Variants in DMRT1 observed in about 807,000 individuals in gnomAD.
The protein encoded by DMRT1 is doublesex and mab-3 related transcription factor 1, also known as doublesex- and mab-3-related transcription factor 1.
DMRT1 carries 7 observed loss-of-function variants against 32.3 expected under a neutral mutation model. The observed-to-expected ratio is 0.22, with a 90% CI of 0.12 to 0.41. The LOEUF (loss-of-function observed/expected upper bound fraction) is 0.41. Among genes scored for constraint, DMRT1 ranks in the 10% least tolerant of loss-of-function variants. The probability of loss-of-function intolerance (pLI) is 1.00; values close to 1 mark genes in which losing one functional copy is unlikely to be tolerated. For missense variants in DMRT1, 625 were observed against 500.5 expected (o/e 1.25, Z -2.37); for synonymous variants, 278 against 206.1 (o/e 1.35, Z -2.99).
chr9:871,229 C>T (rs1264068862), intron 2 of DMRT1, among the ~76,000 whole-genome samples: 1 of 149,536 alleles, frequency 6.7e-6, no homozygotes, highest in Non-Finnish European at 1.5e-5. Context: ...GGTTTTGCCA[C>T]GTTGCCCAGG....
chr9:878,210 C>G (rs535346698), intron 2 of DMRT1, among the ~76,000 whole-genome samples: 2 of 127,396 alleles, frequency 1.6e-5, no homozygotes, highest in Non-Finnish European at 3.3e-5. Flanking sequence ...GCCCCCCCCC[C>G]ACCCAATAAA....
rs1346807628 is a variant in DMRT1, at chr9:968,086, G to C, written c.1069G>C (p.Ala357Pro). 1.2e-6 allele frequency: 2 copies of C among 1,614,032 alleles called. No individual in the cohort carries two copies. The highest frequency in any genetic ancestry group is 1.3e-5 in the African/African-American group (1 of 74,914). Residue 357 changes from alanine to proline, a missense_variant, in exon 5 of 5, where the codon GCG becomes CCG. By Grantham distance (27) the Ala-to-Pro change is conservative. Transcript: ENST00000382276. ...AAAGGCAGTGCTTGAATGTGAGCCTGCGTCGGAGCCCAGCAGCTTCACAGT... is the reference window on the plus strand; with the variant it reads ...AAAGGCAGTGCTTGAATGTGAGCCTCCGTCGGAGCCCAGCAGCTTCACAGT... Reference protein sequence around the residue: ...STKAVLECEPASEPSSFTVTP... With the variant: ...STKAVLECEPPSEPSSFTVTP...
rs1815468363 is a variant in DMRT1, at chr9:857,830, TG to T, written c.538+10688del. On this transcript the variant is annotated intron_variant, in intron 2 of 4. Transcript: ENST00000382276. ...TGTGATGTTCCCCTTCCTGTGTCCA[TG>T]TGTTCTCATTGTTCGATTCCCACCT... is the stretch of plus-strand genomic sequence containing the variant. Among the ~76,000 whole-genome samples the T allele has an allele frequency of 3.7e-5, 5 of 133,524 alleles. No individual in the cohort carries two copies. In the South Asian group the frequency reaches 1.3e-3, roughly 34 times the overall value. The allele number at this position is 133,524 out of a possible 152,430, so 87.6% of individuals were successfully genotyped here.
chr9:854,073 A>C (rs1256028095), intron 2 of DMRT1, among the ~76,000 whole-genome samples: 1 of 150,734 alleles, frequency 6.6e-6, no homozygotes, highest in East Asian at 2.0e-4. Flanking sequence ...CAGCTCCCAA[A>C]GTGCTGGGAT....
intron 4 of DMRT1, among the ~76,000 whole-genome samples, chr9:948,903 AAAT>A (rs57959311): frequency 0.42 from 57,427 of 137,374 alleles, 12,540 homozygotes; most frequent in Middle Eastern, 0.56. Context: ...TAAAAATACA[AAAT>A]AATAATAATA....
chr9:938,204 A>C (rs1014299479), intron 4 of DMRT1, among the ~76,000 whole-genome samples: 30 of 152,280 alleles, frequency 2.0e-4, no homozygotes, highest in African/African-American at 7.2e-4. Context: ...AAATCAGGAA[A>C]TGTGATCCCT....
At chr9:923,368 G>A (rs974119229) in intron 4 of DMRT1, among the ~76,000 whole-genome samples, 4 of 152,158 alleles carry the variant, frequency 2.6e-5, no homozygotes, top group African/African-American at 9.7e-5. Context: ...ATCTGAATGG[G>A]ACCCATGACT....
At chr9:868,031 G>A (rs896021733) in intron 2 of DMRT1, among the ~76,000 whole-genome samples, 1 of 152,196 alleles carries the variant, frequency 6.6e-6, no homozygotes, top group Non-Finnish European at 1.5e-5. Context: ...AGGCTGGAGT[G>A]CAGTCGTGTG....
intron 4 of DMRT1, among the ~76,000 whole-genome samples, chr9:951,606 A>G (rs1426535268): frequency 6.6e-6 from 1 of 152,186 alleles, no homozygotes; most frequent in Non-Finnish European, 1.5e-5. Flanking sequence ...TGAAGCTTGC[A>G]TGTACCTCTT....
intron 2 of DMRT1, among the ~76,000 whole-genome samples, chr9:870,709 C>CTCTTTTTTTTT (rs1816206857): frequency 4.3e-5 from 3 of 69,562 alleles, no homozygotes; most frequent in African/African-American, 2.0e-4. Context: ...ATTTTCTTGA[C>CTCTTTTTTTTT]TTTTTTTTTT....
intron 4 of DMRT1, among the ~76,000 whole-genome samples, chr9:931,602 G>C (rs1283939748): frequency 1.3e-5 from 2 of 152,184 alleles, no homozygotes; most frequent in African/African-American, 2.4e-5. Flanking sequence ...TTTCCGGTAA[G>C]GCTTCTCTCC....
intron 2 of DMRT1, among the ~76,000 whole-genome samples, chr9:857,585 C>G (rs1815453617): frequency 6.6e-6 from 1 of 152,040 alleles, no homozygotes; most frequent in Non-Finnish European, 1.5e-5. Flanking sequence ...AATTCTGTTG[C>G]CCTAAAACTT....
At chr9:941,343 C>T (rs558573403) in intron 4 of DMRT1, among the ~76,000 whole-genome samples, 4 of 146,092 alleles carry the variant, frequency 2.7e-5, no homozygotes, top group South Asian at 2.3e-4. Context: ...CCCCCCCACA[C>T]ATATGCAATG....
chr9:923,274 A>G (rs1228988127), intron 4 of DMRT1, among the ~76,000 whole-genome samples: 3 of 152,190 alleles, frequency 2.0e-5, no homozygotes, highest in Non-Finnish European at 4.4e-5. Flanking sequence ...TTGATCCAGA[A>G]CGCCAAAGGT....
intron 2 of DMRT1, among the ~76,000 whole-genome samples, chr9:880,595 G>C (rs369222894): frequency 7.1e-4 from 108 of 151,850 alleles, no homozygotes; most frequent in African/African-American, 2.5e-3. Context: ...GCATGGTGGC[G>C]CATGCCTGTA....
Position 960,353 on chromosome 9 carries a change from C to G in DMRT1, c.968-7632C>G, listed in dbSNP as rs547295082. Among the ~76,000 whole-genome samples the G allele has an allele frequency of 3.1e-3, 479 of 152,204 alleles. 9 individuals are homozygous for G. Among genetic ancestry groups the G allele is most frequent in the African/African-American group, 0.011 (470 of 41,540 alleles). ...TGTTGGGTGTGTTGTCACTTTTTTT[C>G]CTTTCTCAACCAATGTTTAATAAAA... On this transcript the variant is annotated intron_variant, in intron 4 of 4. Coordinates refer to ENST00000382276, the MANE Select transcript of DMRT1 (RefSeq NM_021951.3).
intron 3 of DMRT1, among the ~76,000 whole-genome samples, chr9:906,038 C>G (rs956223632): frequency 6.7e-5 from 5 of 74,834 alleles, no homozygotes; most frequent in African/African-American, 1.5e-4. Context: ...CACCCACACA[C>G]ACACACACAC....
chr9:894,249 G>A (rs751818604), intron 3 of DMRT1, 54 bp downstream of exon 3: 1 of 1,584,854 alleles, frequency 6.3e-7, no homozygotes, highest in Non-Finnish European at 8.6e-7. Flanking sequence ...CCACATGCAT[G>A]TGCACACACA....
intron 4 of DMRT1, among the ~76,000 whole-genome samples, chr9:922,590 C>G (rs916224412): frequency 6.6e-6 from 1 of 152,120 alleles, no homozygotes; most frequent in African/African-American, 2.4e-5. Context: ...TGGTCGACAC[C>G]TGCAAAAAGG....
Sources: allele counts gnomAD v4.1 joint callset (sites outside exome capture counted in the v4.1 genomes callset), GRCh38; gene constraint gnomAD v4.1.1; transcripts MANE v1.5; gene names NCBI Gene and HGNC (gene_info 2026-07-23, HGNC 2026-07-21).